Variants in C4orf46 observed in about 807,000 individuals in gnomAD.
C4orf46 encodes the protein renal cancer differentiation gene 1 protein.
Under a neutral mutation model 9.1 loss-of-function variants are expected in C4orf46, and 8 were observed. The observed-to-expected ratio is 0.88, with a 90% CI of 0.52 to 1.59. C4orf46 has a LOEUF of 1.59. Ranked by LOEUF, C4orf46 falls within the 40% of genes most tolerant of loss-of-function variation. The probability of loss-of-function intolerance (pLI) is 0.00; values close to 1 mark genes in which losing one functional copy is unlikely to be tolerated. For missense variants in C4orf46, 151 were observed against 139.1 expected, an observed-to-expected ratio of 1.09 and a Z score of -0.43; for synonymous variants, 51 against 58.8, an observed-to-expected ratio of 0.87 and a Z score of 0.61.
chr4:158,670,950 G>C (rs1475434965), intron 1 of C4orf46, among the ~76,000 whole-genome samples: 2 of 152,096 alleles, frequency 1.3e-5, no homozygotes, highest in Non-Finnish European at 2.9e-5. Context: ...CTGGGGATTC[G>C]AGATTTAACA....
upstream of C4orf46, chr4:158,672,019 C>A: frequency 1.8e-6 from 1 of 554,972 alleles, no homozygotes; most frequent in East Asian, 2.9e-5. Flanking sequence ...ACGGCTCCTG[C>A]GCGAGCCTCC....
In C4orf46 at chr4:158,668,692, T is replaced by G. The variant is rs1228519097; in HGVS notation, c.*921A>C. The G allele has an allele frequency of 2.0e-5, 3 of 152,246 alleles. No individual in the cohort carries two copies. The highest frequency in any genetic ancestry group is 4.1e-4 in the South Asian group (2 of 4,836). The allele number at this position is 152,246 out of a possible 1,614,324, so 9.4% of individuals were successfully genotyped here. On this transcript the variant is annotated 3_prime_UTR_variant, in exon 2 of 2. Transcript: ENST00000379205. The stretch of plus-strand genomic sequence containing the variant: ...CAAAGTAACTTCTTTAGAATTATTA[T>G]GTACACAACTTGCAAAGCTCAAAAA...
intron 1 of C4orf46, among the ~76,000 whole-genome samples, chr4:158,670,794 G>C (rs1304896083): frequency 6.6e-6 from 1 of 151,974 alleles, no homozygotes; most frequent in East Asian, 1.9e-4. Flanking sequence ...CAATCTGCAG[G>C]AAAGGTCAGG....
In C4orf46 at chr4:158,669,784, C is replaced by T; in HGVS notation, c.187-16G>A. The T allele has an allele frequency of 6.4e-7, 1 of 1,560,524 alleles. No individual in the cohort carries two copies. Among genetic ancestry groups the T allele is most frequent in the Non-Finnish European group, 8.7e-7 (1 of 1,150,658 alleles). The stretch of plus-strand genomic sequence containing the variant: ...AAAAGGCTGCCTAAAAAAAAAAAGT[C>T]AAACATAATTTTATTTTTAAAATTC... On this transcript the variant is annotated splice_polypyrimidine_tract_variant and intron_variant, in intron 1 of 1. Coordinates refer to ENST00000379205, the MANE Select transcript of C4orf46 (RefSeq NM_001008393.4).
Position 158,668,122 on chromosome 4 carries a change from A to G in C4orf46, c.*1491T>C, listed in dbSNP as rs1163668586. ...TATTACATCTGCATGGTAGAAATAC[A>G]CGGATTTTCTTGAAATCATTTACCT... On this transcript the variant is annotated 3_prime_UTR_variant, in exon 2 of 2. Transcript: ENST00000379205. The G allele has an allele frequency of 6.6e-6, 1 of 152,332 alleles. No individual in the cohort carries two copies. Among genetic ancestry groups the G allele is most frequent in the Non-Finnish European group, 1.5e-5 (1 of 68,038 alleles). The allele number at this position is 152,332 out of a possible 1,614,324, so 9.4% of individuals were successfully genotyped here.
chr4:158,667,824 A>C lies in C4orf46; in HGVS notation c.*1789T>G, dbSNP rs11544037. 104,893 of 152,188 alleles carry C rather than the reference A, an allele frequency of 0.69. 42,358 individuals are homozygous for C. Among genetic ancestry groups the C allele is most frequent in the East Asian group, 0.97 (5,045 of 5,192 alleles). The allele number at this position is 152,188 out of a possible 1,614,324, so 9.4% of individuals were successfully genotyped here. A position where few individuals can be genotyped will look rare whatever the true frequency, so the allele number is the denominator to read the frequency against. On this transcript the variant is annotated 3_prime_UTR_variant, in exon 2 of 2. Transcript: ENST00000379205. ...AGGAGAAGGCTATACTGGGGCATGA[A>C]CACCAGGAGGCCAGGGATCACTGGG...
Position 158,668,909 on chromosome 4 carries a change from T to C in C4orf46, c.*704A>G, listed in dbSNP as rs971718172. On this transcript the variant is annotated 3_prime_UTR_variant, in exon 2 of 2. Transcript: ENST00000379205. ...GTCTTTAAAAAAAAAATCAAACAAG[T>C]ACAAAAAATATTTATCATATATTTT... 6.6e-6 allele frequency: 1 copy of C among 152,048 alleles called. No homozygotes were observed. Among genetic ancestry groups the C allele is most frequent in the Non-Finnish European group, 1.5e-5 (1 of 67,992 alleles). The allele number at this position is 152,048 out of a possible 1,614,324, so 9.4% of individuals were successfully genotyped here. A position where few individuals can be genotyped will look rare whatever the true frequency, so the allele number is the denominator to read the frequency against.
intron 1 of C4orf46, among the ~76,000 whole-genome samples, chr4:158,670,636 T>C (rs1259753633): frequency 6.6e-6 from 1 of 152,230 alleles, no homozygotes; most frequent in African/African-American, 2.4e-5. Context: ...TAAAACAGTG[T>C]TCCTCAATAA....
At chr4:158,671,937 A>C, upstream of C4orf46, 3 of 677,710 alleles carry the variant, frequency 4.4e-6, no homozygotes, top group Non-Finnish European at 7.3e-6. Context: ...CGTGGGTCTC[A>C]GCCCCGGACC....
At position 158,668,418 on chromosome 4, in the gene C4orf46, C is replaced by A. The variant is rs2150297806; in HGVS notation, c.*1195G>T. 6.5e-6 allele frequency: 1 copy of A among 152,740 alleles called. No individual in the cohort carries two copies. Among genetic ancestry groups the A allele is most frequent in the East Asian group, 1.9e-4 (1 of 5,188 alleles). The allele number at this position is 152,740 out of a possible 1,614,324, so 9.5% of individuals were successfully genotyped here. A position where few individuals can be genotyped will look rare whatever the true frequency, so the allele number is the denominator to read the frequency against. On this transcript the variant is annotated 3_prime_UTR_variant, in exon 2 of 2. Transcript: ENST00000379205. ...ACTATTCTTTGCCCATCCATCTGTCCCCTCTCATAGCCCCATTGTGGGGCA... is the reference window on the plus strand; with the variant it reads ...ACTATTCTTTGCCCATCCATCTGTCACCTCTCATAGCCCCATTGTGGGGCA...
chr4:158,669,450 G>T lies in C4orf46; in HGVS notation c.*163C>A, dbSNP rs912517999. ...CTGGTCCGCAACAAAAATAGCATCGGTATTCTGCTTTCACAAAAACCAAGA... is the reference window on the plus strand; with the variant it reads ...CTGGTCCGCAACAAAAATAGCATCGTTATTCTGCTTTCACAAAAACCAAGA... On this transcript the variant is annotated 3_prime_UTR_variant, in exon 2 of 2. Coordinates refer to ENST00000379205, the MANE Select transcript of C4orf46 (RefSeq NM_001008393.4). The T allele has an allele frequency of 6.7e-6, 4 of 593,572 alleles. No homozygotes were observed. In the Admixed American group the frequency reaches 1.0e-4, roughly 15 times the overall value. 36.8% of individuals were successfully genotyped at this position (593,572 alleles called of 1,614,324 possible). A position where few individuals can be genotyped will look rare whatever the true frequency, so the allele number is the denominator to read the frequency against.
Position 158,669,534 on chromosome 4 carries a change from T to C in C4orf46, c.*79A>G. On this transcript the variant is annotated 3_prime_UTR_variant, in exon 2 of 2. Transcript: ENST00000379205. Reference sequence around the variant, plus strand: ...GAACTGCTGGACAGAGGTCATCCTATATGTGTGGTACATGTACAAAATATG... The same window carrying C: ...GAACTGCTGGACAGAGGTCATCCTACATGTGTGGTACATGTACAAAATATG... The C allele has an allele frequency of 7.1e-7, 1 of 1,417,454 alleles. No individual in the cohort carries two copies. The highest frequency in any genetic ancestry group is 9.8e-7 in the Non-Finnish European group (1 of 1,019,004). 87.8% of individuals were successfully genotyped at this position (1,417,454 alleles called of 1,614,324 possible). A position where few individuals can be genotyped will look rare whatever the true frequency, so the allele number is the denominator to read the frequency against.
rs148543446 is a variant in C4orf46, at chr4:158,671,687, A to G, written c.115T>C (p.Trp39Arg). ...SSPGGPVSLGWPVPSRSSGPT... is the reference protein window; with the variant it reads ...SSPGGPVSLGRPVPSRSSGPT... ...CCGCTGCTCCTGCTCGGAACTGGCC[A>G]GCCCAAACTCACTGGGCCGCCCGGG... Residue 39 changes from tryptophan to arginine, a missense_variant, in exon 1 of 2, where the codon TGG (tryptophan) becomes CGG (arginine). Transcript: ENST00000379205. 4 of 1,612,204 alleles carry G rather than the reference A, an allele frequency of 2.5e-6. No individual in the cohort carries two copies. Among genetic ancestry groups the G allele is most frequent in the Non-Finnish European group, 3.4e-6 (4 of 1,179,148 alleles).
chr4:158,671,354 A>T (rs1773536927), intron 1 of C4orf46, among the ~76,000 whole-genome samples: 1 of 152,242 alleles, frequency 6.6e-6, no homozygotes, highest in African/African-American at 2.4e-5. Context: ...GACAAAAAGA[A>T]ACCAGTGAGG....
In C4orf46 at chr4:158,669,702, C is replaced by G. The variant is rs1331413334; in HGVS notation, c.253G>C (p.Ala85Pro). The change falls in exon 2 of 2, where the codon GCC becomes CCC. Residue 85 changes from alanine (A) to proline (P), a missense_variant. Ala to Pro is a conservative substitution (Grantham distance 27). Transcript: ENST00000379205. The stretch of plus-strand genomic sequence containing the variant: ...CGTGCATTTTCTGTACATTTGAAGG[C>G]AAGTTCTTCCACTTGAGCTGATACT... ...SAVSAQVEEL[A>P]FKCTENARFL... The G allele has an allele frequency of 6.2e-7, 1 of 1,613,626 alleles. No homozygotes were observed. Among genetic ancestry groups the G allele is most frequent in the Non-Finnish European group, 8.5e-7 (1 of 1,179,772 alleles).
At position 158,671,856 on chromosome 4, in the gene C4orf46, G is replaced by A. The variant is rs1166779622; in HGVS notation, c.-55C>T. 1 of 1,393,684 alleles carries A rather than the reference G, an allele frequency of 7.2e-7. No homozygotes were observed. Among genetic ancestry groups the A allele is most frequent in the Non-Finnish European group, 9.5e-7 (1 of 1,051,308 alleles). The allele number at this position is 1,393,684 out of a possible 1,614,324, so 86.3% of individuals were successfully genotyped here. On this transcript the variant is annotated 5_prime_UTR_variant, in exon 1 of 2. Transcript: ENST00000379205. Reference sequence around the variant, plus strand: ...CCGAGAAGCCGAACCGACACCAACTGTCTTTTAACCACTCGCGCCCAAAGC... The same window carrying A: ...CCGAGAAGCCGAACCGACACCAACTATCTTTTAACCACTCGCGCCCAAAGC...
chr4:158,671,778 C>A lies in C4orf46; in HGVS notation c.24G>T (p.Gln8His). 6.4e-7 allele frequency: 1 copy of A among 1,550,802 alleles called. No individual in the cohort carries two copies. The highest frequency in any genetic ancestry group is 8.7e-7 in the Non-Finnish European group (1 of 1,147,226). Residue 8 changes from glutamine (Q) to histidine (H), a missense_variant, in exon 1 of 2, where the codon CAG becomes CAT. Gln to His is a conservative substitution (Grantham distance 24, BLOSUM62 0). Coordinates refer to ENST00000379205, the MANE Select transcript of C4orf46 (RefSeq NM_001008393.4). ...GAGGCGGCGGGGGCGGCGAAGAAAC[C>A]TGCAACTCCTCAGGGTCGGCCATGG... MADPEEL[Q>H]VSSPPPPPPS...
At position 158,667,486 on chromosome 4, in the gene C4orf46, A is replaced by G. The variant is rs973779447; in HGVS notation, c.*2127T>C. 4 of 152,222 alleles carry G rather than the reference A, an allele frequency of 2.6e-5. No individual in the cohort carries two copies. Among genetic ancestry groups the G allele is most frequent in the Non-Finnish European group, 2.9e-5 (2 of 68,046 alleles). 9.4% of individuals were successfully genotyped at this position (152,222 alleles called of 1,614,324 possible). ...CCAGACTAAAAAAGATAATTGGAAC[A>G]TACATAACAGATCATTAGTATTCAA... On this transcript the variant is annotated 3_prime_UTR_variant, in exon 2 of 2. Coordinates refer to ENST00000379205, the MANE Select transcript of C4orf46 (RefSeq NM_001008393.4).
Position 158,671,606 on chromosome 4 carries a change from C to T in C4orf46, c.186+10G>A, listed in dbSNP as rs952213684. On this transcript the variant is annotated intron_variant, in intron 1 of 1. Coordinates refer to ENST00000379205, the MANE Select transcript of C4orf46 (RefSeq NM_001008393.4). The stretch of plus-strand genomic sequence containing the variant: ...GCCGAGGGGGGACGCGGTCCCGACA[C>T]CACACTCACGTCTCCGATCTGCAGC... The T allele has an allele frequency of 1.2e-5, 18 of 1,526,112 alleles. No homozygotes were observed. The highest frequency in any genetic ancestry group is 1.9e-4 in the Middle Eastern group (1 of 5,318). The allele number at this position is 1,526,112 out of a possible 1,614,324, so 94.5% of individuals were successfully genotyped here.
Sources: gnomAD v4.1 joint callset for allele counts (sites outside exome capture counted in the v4.1 genomes callset) on GRCh38, gnomAD v4.1.1 for gene constraint, MANE v1.5 for transcripts, NCBI Gene and HGNC (gene_info 2026-07-23, HGNC 2026-07-21) for gene names.